Variants in ANKIB1 observed in about 807,000 individuals in gnomAD.
ANKIB1 encodes the protein ankyrin repeat and IBR domain-containing protein 1.
ANKIB1 carries 43 observed loss-of-function variants against 122.1 expected under a neutral mutation model. That is an observed-to-expected ratio of 0.35 (90% CI 0.28 to 0.45). The LOEUF (loss-of-function observed/expected upper bound fraction) is 0.45. ANKIB1 is among the 20% of genes least tolerant of loss of function. ANKIB1 has a pLI of 1.00. For synonymous variants in ANKIB1, 390 were observed against 442.0 expected (o/e 0.88, Z 1.48); for missense variants, 992 against 1,329.5 (o/e 0.75, Z 3.95).
intron 1 of ANKIB1, among the ~76,000 whole-genome samples, chr7:92,265,361 G>A (rs757432506): frequency 1.2e-3 from 177 of 152,082 alleles, no homozygotes; most frequent in Non-Finnish European, 2.0e-3. Flanking sequence ...GAATATTTTA[G>A]GCTGAAGGTA....
At chr7:92,385,855 A>T (rs566328817) in intron 11 of ANKIB1, among the ~76,000 whole-genome samples, 2 of 152,234 alleles carry the variant, frequency 1.3e-5, no homozygotes, top group Non-Finnish European at 2.9e-5. Flanking sequence ...CCTTGTGCAC[A>T]TGTACCCTAG....
At chr7:92,274,945 T>A (rs1252395108) in intron 1 of ANKIB1, among the ~76,000 whole-genome samples, 5 of 152,118 alleles carry the variant, frequency 3.3e-5, no homozygotes, top group Non-Finnish European at 7.4e-5. Context: ...TATTTTTCAG[T>A]CTCTGCAGTT....
chr7:92,327,649 C>T, intron 4 of ANKIB1, 134 bp from the exon 5 acceptor site: 2 of 419,884 alleles, frequency 4.8e-6, no homozygotes, highest in Non-Finnish European at 8.3e-6. Flanking sequence ...CAAATGTTTT[C>T]AATCTACAGT....
chr7:92,252,845 A>G (rs1801357195), intron 1 of ANKIB1, among the ~76,000 whole-genome samples: 1 of 151,656 alleles, frequency 6.6e-6, no homozygotes, highest in Non-Finnish European at 1.5e-5. Flanking sequence ...AGAGTAGACA[A>G]AGTAGATTCC....
At chr7:92,316,175 C>T (rs1246965300) in intron 3 of ANKIB1, among the ~76,000 whole-genome samples, 1 of 152,066 alleles carries the variant, frequency 6.6e-6, no homozygotes, top group Non-Finnish European at 1.5e-5. Context: ...AATATTCAGT[C>T]CTCCTATTAA....
At chr7:92,342,704 T>C (rs1803463320) in intron 5 of ANKIB1, among the ~76,000 whole-genome samples, 1 of 152,178 alleles carries the variant, frequency 6.6e-6, no homozygotes, top group African/African-American at 2.4e-5. Context: ...ATTAAACCTA[T>C]GCCAGCGAAA....
chr7:92,371,588 A>G lies in ANKIB1; in HGVS notation c.1598A>G (p.Asn533Ser), dbSNP rs1236335504. Reference sequence around the variant, plus strand: ...CCAATACAGAAGAATGAAGGCTGCAATCACATGCAGTGTGCTAAGGTAAGA... The same window carrying G: ...CCAATACAGAAGAATGAAGGCTGCAGTCACATGCAGTGTGCTAAGGTAAGA... ...KSPIQKNEGCNHMQCAKCKYD... is the reference protein window; with the variant it reads ...KSPIQKNEGCSHMQCAKCKYD... The change falls in exon 11 of 20, where the codon AAT (asparagine) becomes AGT (serine). Residue 533 changes from asparagine (N) to serine (S), a missense_variant. Physicochemically the swap from Asn to Ser is conservative, Grantham distance 46 (BLOSUM62 1). This residue lies in a region of ANKIB1 where 521 missense variants were observed against 777.7 expected (regional missense o/e 0.67). Transcript: ENST00000265742. The G allele has an allele frequency of 1.2e-6, 2 of 1,604,178 alleles. No individual in the cohort carries two copies. Among genetic ancestry groups the G allele is most frequent in the Non-Finnish European group, 1.7e-6 (2 of 1,174,936 alleles).
intron 2 of ANKIB1, among the ~76,000 whole-genome samples, chr7:92,303,210 G>A (rs1014713553): frequency 6.6e-6 from 1 of 152,130 alleles, no homozygotes; most frequent in Admixed American, 6.5e-5. Flanking sequence ...GGAATAAATT[G>A]TTTCAGATTT....
chr7:92,305,832 G>T (rs1274765479), intron 2 of ANKIB1, among the ~76,000 whole-genome samples: 1 of 152,152 alleles, frequency 6.6e-6, no homozygotes, highest in Non-Finnish European at 1.5e-5. Flanking sequence ...TTAAATTATG[G>T]CTGAATAGAG....
chr7:92,259,055 T>A (rs994783427), intron 1 of ANKIB1, among the ~76,000 whole-genome samples: 2 of 151,488 alleles, frequency 1.3e-5, no homozygotes, highest in African/African-American at 2.4e-5. Context: ...CCGGGCTCCA[T>A]TGATCCTCCT....
At chr7:92,349,311 C>G (rs1389268797) in intron 7 of ANKIB1, among the ~76,000 whole-genome samples, 2 of 152,092 alleles carry the variant, frequency 1.3e-5, no homozygotes, top group African/African-American at 4.8e-5. Context: ...GTAGAGAGCA[C>G]TTGGAGTGAG....
At chr7:92,280,575 A>G (rs1041770918) in intron 1 of ANKIB1, among the ~76,000 whole-genome samples, 4 of 151,616 alleles carry the variant, frequency 2.6e-5, no homozygotes, top group Non-Finnish European at 4.4e-5. Flanking sequence ...TTGCCCACTC[A>G]GTGCTCACTT....
chr7:92,274,847 A>G (rs1801868521), intron 1 of ANKIB1, among the ~76,000 whole-genome samples: 1 of 152,178 alleles, frequency 6.6e-6, no homozygotes, highest in African/African-American at 2.4e-5. Flanking sequence ...GGATAGCCCG[A>G]GCCCAGGAGG....
chr7:92,315,176 C>A (rs1802770741), intron 3 of ANKIB1, among the ~76,000 whole-genome samples: 2 of 152,040 alleles, frequency 1.3e-5, no homozygotes, highest in African/African-American at 4.8e-5. Context: ...TGATTTTGAG[C>A]CCAAGTGACT....
intron 11 of ANKIB1, among the ~76,000 whole-genome samples, chr7:92,379,291 C>A (rs1804457925): frequency 6.6e-6 from 1 of 152,068 alleles, no homozygotes; most frequent in South Asian, 2.1e-4. Context: ...ACTCGGGAGG[C>A]TGAGGCAGGA....
intron 1 of ANKIB1, among the ~76,000 whole-genome samples, chr7:92,276,516 A>G (rs370875348): frequency 2.8e-4 from 43 of 152,326 alleles, no homozygotes; most frequent in African/African-American, 1.0e-3. Flanking sequence ...AAGGATAGCC[A>G]TCTCAAGCCT....
At position 92,330,440 on chromosome 7, in the gene ANKIB1, A is replaced by G. The variant is rs370144315; in HGVS notation, c.787+2540A>G. 4.6e-5 allele frequency among the ~76,000 whole-genome samples: 7 copies of G among 152,300 alleles called. No homozygotes were observed. The South Asian group carries it at 1.4e-3, about 32-fold the overall frequency. On this transcript the variant is annotated intron_variant, in intron 5 of 19. Coordinates refer to ENST00000265742, the MANE Select transcript of ANKIB1 (RefSeq NM_019004.2). ...TGAAAATCAATGTTTTTGTTGTAAA[A>G]TTACATTTTTTATTGCCATGTTTAT...
chr7:92,261,653 T>TAAAAGAAAGAAAAAAG (rs1801568195), intron 1 of ANKIB1, among the ~76,000 whole-genome samples: 1 of 152,074 alleles, frequency 6.6e-6, no homozygotes, highest in African/African-American at 2.4e-5. Flanking sequence ...AGATTGAGAG[T>TAAAAGAAAGAAAAAAG]ATTGTTCCTG....
chr7:92,359,842 C>T (rs988252773), intron 9 of ANKIB1, among the ~76,000 whole-genome samples: 7 of 152,164 alleles, frequency 4.6e-5, no homozygotes, highest in Admixed American at 6.5e-5. Flanking sequence ...ACTATAGCCT[C>T]GAACTCCTGG....
Sources: gnomAD v4.1 joint callset for allele counts (sites outside exome capture counted in the v4.1 genomes callset) on GRCh38, gnomAD v4.1.1 for gene constraint, gnomAD v4.1.1 regional missense constraint, MANE v1.5 for transcripts, NCBI Gene and HGNC (gene_info 2026-07-23, HGNC 2026-07-21) for gene names.